Variants in TTC21A observed in about 807,000 individuals in gnomAD.
The protein encoded by TTC21A is tetratricopeptide repeat domain 21A, also known as tetratricopeptide repeat protein 21A.
In TTC21A, 128 loss-of-function variants were observed where a neutral mutation model predicts 156.4. The observed-to-expected ratio is 0.82, with a 90% CI of 0.71 to 0.95. The LOEUF (loss-of-function observed/expected upper bound fraction) is 0.95, where lower values mean the gene tolerates loss of function less well. Among genes scored for constraint, TTC21A ranks in the 40% least tolerant of loss-of-function variants. The probability of loss-of-function intolerance (pLI) is 0.00; values close to 1 mark genes in which losing one functional copy is unlikely to be tolerated. For missense variants in TTC21A, 1,435 were observed against 1,602.3 expected (o/e 0.90, Z 1.78); for synonymous variants, 587 against 617.1 (o/e 0.95, Z 0.72).
At position 39,138,361 on chromosome 3, in the gene TTC21A, AC is replaced by A; in HGVS notation, c.3771del (p.Tyr1257Ter). ...ACCAACTACAAACTGGCCTGGAAGT[AC>A]AGTCATCACGCCAACCCTGCCATTG... is the stretch of plus-strand genomic sequence containing the variant. ...AVTNYKLAWK[Y>X]SHHANPAIGF... On this transcript the variant is annotated frameshift_variant, in exon 27 of 29. Coordinates refer to ENST00000683103, the MANE Select transcript of TTC21A (RefSeq NM_001366900.1). LOFTEE classifies it high-confidence loss of function. 6.2e-7 allele frequency: 1 copy of A among 1,614,110 alleles called. No individual in the cohort carries two copies. Among genetic ancestry groups the A allele is most frequent in the South Asian group, 1.1e-5 (1 of 91,062 alleles).
rs766107143 is a variant in TTC21A, at chr3:39,111,014, A to T, written c.432A>T (p.Arg144Ser). 1 of 1,607,678 alleles carries T rather than the reference A, an allele frequency of 6.2e-7. No homozygotes were observed. The highest frequency in any genetic ancestry group is 1.7e-5 in the Admixed American group (1 of 59,216). ...DRMLKISRGF[R>S]EAYVLRGWVD... ...TGCTGAAGATTTCTAGAGGCTTCAGAGAGGTACTTACCACACCATGGGGAC... is the reference window on the plus strand; with the variant it reads ...TGCTGAAGATTTCTAGAGGCTTCAGTGAGGTACTTACCACACCATGGGGAC... The change falls in exon 4 of 29, where the codon AGA (arginine) becomes AGT (serine). Residue 144 changes from arginine (R) to serine (S), a missense_variant. By Grantham distance (110) the Arg-to-Ser change is moderately radical. Transcript: ENST00000683103.
intron 3 of TTC21A, among the ~76,000 whole-genome samples, chr3:39,110,599 G>A (rs2036730060): frequency 6.6e-6 from 1 of 152,216 alleles, no homozygotes; most frequent in Non-Finnish European, 1.5e-5. Context: ...ACACTGCTGG[G>A]CACAGAGAAG....
chr3:39,130,939 A>G lies in TTC21A; in HGVS notation c.2459-53A>G. 1.2e-6 allele frequency: 2 copies of G among 1,607,644 alleles called. No homozygotes were observed. The highest frequency in any genetic ancestry group is 1.7e-6 in the Non-Finnish European group (2 of 1,175,382). Reference sequence around the variant, plus strand: ...CCTGATCCCAGCGCTCCCCACCAACACAGCTTCCCAGGAGCCAGTGAACTA... The same window carrying G: ...CCTGATCCCAGCGCTCCCCACCAACGCAGCTTCCCAGGAGCCAGTGAACTA... On this transcript the variant is annotated intron_variant, in intron 18 of 28. Coordinates refer to ENST00000683103, the MANE Select transcript of TTC21A (RefSeq NM_001366900.1). The surrounding 1 kb of genome is among the most constrained non-coding windows in gnomAD (Gnocchi z 4.5).
rs767423899 is a variant in TTC21A at position 39,128,778 on chromosome 3, A to G, written c.1742A>G (p.Tyr581Cys). ...KARALNKAGD[Y>C]PEAIKTLKMV... is the part of the protein sequence containing the mutation. The stretch of plus-strand genomic sequence containing the variant: ...AGGGCCCTCAACAAGGCTGGAGACT[A>G]TCCAGAGGCCATAAAGACGCTGAAA... The change falls in exon 14 of 29, where the codon TAT (tyrosine) becomes TGT (cysteine). Residue 581 changes from tyrosine to cysteine, a missense_variant. Coordinates refer to ENST00000683103, the MANE Select transcript of TTC21A (RefSeq NM_001366900.1). The G allele has an allele frequency of 6.2e-7, 1 of 1,614,190 alleles. No homozygotes were observed. Among genetic ancestry groups the G allele is most frequent in the Non-Finnish European group, 8.5e-7 (1 of 1,180,022 alleles).
chr3:39,126,119 TAAGCACTAGGTG>T, intron 11 of TTC21A, 130 bp from the exon 12 acceptor site: 1 of 1,047,704 alleles, frequency 9.5e-7, no homozygotes, highest in Non-Finnish European at 1.4e-6. Flanking sequence ...GCTCGTGCTC[TAAGCACTAGGTG>T]ATACAGAGGA....
In TTC21A at chr3:39,130,689, G is replaced by C. The variant is rs2125844161; in HGVS notation, c.2320-12G>C. On this transcript the variant is annotated splice_polypyrimidine_tract_variant and intron_variant, in intron 17 of 28. Transcript: ENST00000683103. This position sits in a 1 kb window ranked among gnomAD's most constrained non-coding sequence, Gnocchi z 4.5. ...ACCAGGCCAGAGGCTAATATTTACTGTTTGCACTAAGGCAATTGAGTATTA... is the reference window on the plus strand; with the variant it reads ...ACCAGGCCAGAGGCTAATATTTACTCTTTGCACTAAGGCAATTGAGTATTA... 1 of 1,614,052 alleles carries C rather than the reference G, an allele frequency of 6.2e-7. No individual in the cohort carries two copies. The highest frequency in any genetic ancestry group is 8.5e-7 in the Non-Finnish European group (1 of 1,179,952).
intron 2 of TTC21A, among the ~76,000 whole-genome samples, 197 bp downstream of exon 2, chr3:39,109,411 T>A (rs1044702351): frequency 9.9e-5 from 15 of 152,242 alleles, no homozygotes; most frequent in South Asian, 4.1e-4. Context: ...CTCAGAGCGC[T>A]GACTATCCCT....
chr3:39,126,168 A>G (rs978047725), intron 11 of TTC21A, 93 bp from the exon 12 acceptor site: 3 of 1,505,228 alleles, frequency 2.0e-6, no homozygotes, highest in African/African-American at 2.8e-5. Flanking sequence ...AATGAAGCAA[A>G]ATTCCTTCAC....
intron 6 of TTC21A, among the ~76,000 whole-genome samples, chr3:39,115,475 A>T (rs1313281291): frequency 1.3e-5 from 2 of 152,216 alleles, no homozygotes; most frequent in Non-Finnish European, 2.9e-5. Context: ...AGCCTCGGCA[A>T]CATAGTGAGA....
In TTC21A at chr3:39,107,751, C is replaced by A. The variant is rs958387835; in HGVS notation, c.-87C>A. ...GACTGTAACGCCTTCAACCGCCCGCCGCGATAGAGTGCCCACGACCCTGCC... is the reference window on the plus strand; with the variant it reads ...GACTGTAACGCCTTCAACCGCCCGCAGCGATAGAGTGCCCACGACCCTGCC... On this transcript the variant is annotated 5_prime_UTR_variant, in exon 1 of 29. Transcript: ENST00000683103. The A allele has an allele frequency of 1.3e-6, 2 of 1,582,392 alleles. No homozygotes were observed. Among genetic ancestry groups the A allele is most frequent in the Non-Finnish European group, 1.7e-6 (2 of 1,157,332 alleles).
At position 39,121,082 on chromosome 3, in the gene TTC21A, C is replaced by T. The variant is rs772489402; in HGVS notation, c.986C>T (p.Ala329Val). 130 of 1,614,020 alleles carry T rather than the reference C, an allele frequency of 8.1e-5. No individual in the cohort carries two copies. In the South Asian group the frequency reaches 1.3e-3, roughly 17 times the overall value. Residue 329 changes from alanine (A) to valine (V), a missense_variant, in exon 9 of 29, where the codon GCC becomes GTC. Physicochemically the swap from Ala to Val is moderately conservative, Grantham distance 64. Transcript: ENST00000683103. ...FMATPSYVHV[A>V]TELGYLFILK... is the part of the protein sequence containing the mutation. ...GCCACCCCCTCGTATGTCCATGTGG[C>T]CACAGAACTGGGCTATCTCTTCATC...
chr3:39,132,931 G>T, intron 19 of TTC21A, 121 bp from the exon 20 acceptor site: 2 of 1,104,430 alleles, frequency 1.8e-6, no homozygotes, highest in Non-Finnish European at 1.3e-6. Context: ...ACCCAAATTT[G>T]CCCAAGGGCA....
Position 39,128,797 on chromosome 3 carries a change from G to A in TTC21A, c.1761G>A (p.Thr587=), listed in dbSNP as rs371882049. ...KAGDYPEAIK[T]LKMVIKLPAL... is the part of the protein sequence containing the mutation. ...GAGACTATCCAGAGGCCATAAAGACGCTGAAAATGGTCATCAAATTGCCAG... is the reference window on the plus strand; with the variant it reads ...GAGACTATCCAGAGGCCATAAAGACACTGAAAATGGTCATCAAATTGCCAG... The change falls in exon 14 of 29, where the codon ACG becomes ACA. Residue 587 remains threonine, a synonymous_variant. Coordinates refer to ENST00000683103, the MANE Select transcript of TTC21A (RefSeq NM_001366900.1). The A allele has an allele frequency of 5.0e-5, 80 of 1,614,148 alleles. 1 individual carries two copies. Among genetic ancestry groups the A allele is most frequent in the South Asian group, 4.0e-4 (36 of 91,078 alleles).
Position 39,125,290 on chromosome 3 carries a change from C to T in TTC21A, c.1192-42C>T, listed in dbSNP as rs746761585. 1.9e-6 allele frequency: 3 copies of T among 1,600,078 alleles called. No homozygotes were observed. The South Asian group carries it at 3.3e-5, about 18-fold the overall frequency. ...TTTGCCCTTGCCTACCAAATCTGCC[C>T]AGGCTGACATTGGCACTGAGACTCG... is the stretch of plus-strand genomic sequence containing the variant. On this transcript the variant is annotated intron_variant, in intron 10 of 28. Coordinates refer to ENST00000683103, the MANE Select transcript of TTC21A (RefSeq NM_001366900.1).
intron 12 of TTC21A, among the ~76,000 whole-genome samples, chr3:39,126,950 A>G (rs1234749616): frequency 1.3e-5 from 2 of 152,216 alleles, no homozygotes; most frequent in Non-Finnish European, 2.9e-5. Context: ...GAACATGGTA[A>G]TGCTATGGAA....
At chr3:39,110,166 C>A in intron 3 of TTC21A, 27 bp downstream of exon 3, 2 of 1,563,106 alleles carry the variant, frequency 1.3e-6, no homozygotes, top group Non-Finnish European at 1.8e-6. Flanking sequence ...TCAACCAGGC[C>A]TGACCCACCA....
Position 39,121,017 on chromosome 3 carries a change from T to C in TTC21A, c.921T>C (p.Ile307=). 6.2e-7 allele frequency: 1 copy of C among 1,610,346 alleles called. No individual in the cohort carries two copies. The highest frequency in any genetic ancestry group is 8.5e-7 in the Non-Finnish European group (1 of 1,177,852). Reference sequence around the variant, plus strand: ...TGCAGTGTGGGAGTCACCAGGTGATTCTAGGGCTAGTGTGTAGTTTCATCG... The same window carrying C: ...TGCAGTGTGGGAGTCACCAGGTGATCCTAGGGCTAGTGTGTAGTTTCATCG... ...VSRLCGSHQV[I]LGLVCSFIER... The change falls in exon 9 of 29, where the codon ATT becomes ATC. Residue 307 remains isoleucine (I), a synonymous_variant. Coordinates refer to ENST00000683103, the MANE Select transcript of TTC21A (RefSeq NM_001366900.1).
At chr3:39,132,626 C>T (rs189092877) in intron 19 of TTC21A, 1 of 202,340 alleles carries the variant, frequency 4.9e-6, no homozygotes, top group African/African-American at 2.4e-5. Flanking sequence ...TCTCTGCTTA[C>T]TCACCTGATC....
At chr3:39,124,376 G>C (rs1277499925) in intron 9 of TTC21A, among the ~76,000 whole-genome samples, 4 of 152,102 alleles carry the variant, frequency 2.6e-5, no homozygotes, top group Non-Finnish European at 1.5e-5. Context: ...AAAGCAGATT[G>C]TGGCCAGGCG....
Sources: gnomAD v4.1 joint callset for allele counts (sites outside exome capture counted in the v4.1 genomes callset) on GRCh38, gnomAD v4.1.1 for gene constraint, Gnocchi (gnomAD v3.1) non-coding constraint, MANE v1.5 for transcripts, NCBI Gene and HGNC (gene_info 2026-07-23, HGNC 2026-07-21) for gene names.